The following BAG6 variants were observed in gnomAD, a reference collection of about 807,000 sequenced individuals.
BAG6 encodes the protein BAG cochaperone 6, also known as large proline-rich protein BAG6.
In BAG6, 22 loss-of-function variants were observed where a neutral mutation model predicts 121.0. That is an observed-to-expected ratio of 0.18 (90% confidence interval 0.13 to 0.26). The LOEUF (loss-of-function observed/expected upper bound fraction) is 0.26. Ranked by LOEUF, BAG6 falls within the 10% of genes least tolerant of loss-of-function variation. The pLI is 1.00. For synonymous variants in BAG6, 583 were observed against 584.6 expected (o/e 1.00, Z 0.04); for missense variants, 1,233 against 1,537.7 (o/e 0.80, Z 3.31).
intron 2 of BAG6, among the ~76,000 whole-genome samples, chr6:31,651,020 G>A (rs1583470596): frequency 1.3e-5 from 2 of 152,352 alleles, no homozygotes; most frequent in South Asian, 2.1e-4. Context: ...CTATCAGTAA[G>A]ACACACTTGC....
At chr6:31,649,665 G>A (rs1365079982) in intron 2 of BAG6, 38 bp from the exon 3 acceptor site, 5 of 1,563,442 alleles carry the variant, frequency 3.2e-6, no homozygotes, top group Non-Finnish European at 4.4e-6. Context: ...GGAAAGAATG[G>A]AGGAAAGAGG....
In BAG6 at chr6:31,640,638, A is replaced by G. The variant is rs1223735412; in HGVS notation, c.2994+7T>C. 1 of 1,612,822 alleles carries G rather than the reference A, an allele frequency of 6.2e-7. No homozygotes were observed. Among genetic ancestry groups the G allele is most frequent in the Admixed American group, 1.7e-5 (1 of 60,006 alleles). On this transcript the variant is annotated splice_region_variant and intron_variant, in intron 22 of 25. Transcript: ENST00000676615. This position sits in a 1 kb window ranked among gnomAD's most constrained non-coding sequence, Gnocchi z 4.2. ...CTGGCCCCTCAACCTCCCCCTCTCT[A>G]GAGTACCTGAGGCTCAGGGGAAGCT...
At position 31,644,237 on chromosome 6, in the gene BAG6, A is replaced by G; in HGVS notation, c.1556-43T>C. On this transcript the variant is annotated intron_variant, in intron 12 of 25. Transcript: ENST00000676615. The surrounding 1 kb of genome is among the most constrained non-coding windows in gnomAD (Gnocchi z 4.9). ...GACAGACCGAAGAGGGCTGAGGGCC[A>G]GGCCCTTGCCAGCCAGCTGCCACCA... 1 of 1,585,528 alleles carries G rather than the reference A, an allele frequency of 6.3e-7. No individual in the cohort carries two copies.
chr6:31,642,185 T>C lies in BAG6; in HGVS notation c.2262A>G (p.Glu754=). Residue 754 remains glutamate, a synonymous_variant, in exon 16 of 26, where the codon GAA becomes GAG. Coordinates refer to ENST00000676615, the MANE Select transcript of BAG6 (RefSeq NM_001387994.1). ...GGCGTTGTATGAAGGCAGCAATACTTTCACTGCTGCCAGCCCGAGCCCCCA... is the reference window on the plus strand; with the variant it reads ...GGCGTTGTATGAAGGCAGCAATACTCTCACTGCTGCCAGCCCGAGCCCCCA... ...GSLGARAGSS[E]SIAAFIQRLS... 6.2e-7 allele frequency: 1 copy of C among 1,612,872 alleles called. No homozygotes were observed. The highest frequency in any genetic ancestry group is 8.5e-7 in the Non-Finnish European group (1 of 1,179,978).
At chr6:31,645,927 G>A (rs1435019100) in intron 8 of BAG6, among the ~76,000 whole-genome samples, 3 of 152,250 alleles carry the variant, frequency 2.0e-5, no homozygotes, top group African/African-American at 7.2e-5. Flanking sequence ...TTCTCTGTAA[G>A]GGAGGACAAA....
chr6:31,649,667 G>A (rs1159168452), intron 2 of BAG6, 40 bp from the exon 3 acceptor site: 16 of 1,562,228 alleles, frequency 1.0e-5, no homozygotes, highest in Non-Finnish European at 1.4e-5. Context: ...AAAGAATGGA[G>A]GAAAGAGGAA....
rs1379067954 is a variant in BAG6, at chr6:31,644,348, G to A, written c.1514C>T (p.Thr505Ile). 1.3e-6 allele frequency: 2 copies of A among 1,551,620 alleles called. No homozygotes were observed. Among genetic ancestry groups the A allele is most frequent in the East Asian group, 2.4e-5 (1 of 40,936 alleles). Reference sequence around the variant, plus strand: ...AACAGCTGCCACCATGGCCTGATGAGTGATCTGGTGGGCGACGGCGTGCAT... The same window carrying A: ...AACAGCTGCCACCATGGCCTGATGAATGATCTGGTGGGCGACGGCGTGCAT... ...EFMHAVAHQI[T>I]HQAMVAAVAS... The change falls in exon 12 of 26, where the codon ACT becomes ATT. Residue 505 changes from threonine (T) to isoleucine (I), a missense_variant. Coordinates refer to ENST00000676615, the MANE Select transcript of BAG6 (RefSeq NM_001387994.1). This position sits in a 1 kb window ranked among gnomAD's most constrained non-coding sequence, Gnocchi z 4.9.
In BAG6 at chr6:31,641,679, G is replaced by T. The variant is rs1782945071; in HGVS notation, c.2506-87C>A. The T allele has an allele frequency of 9.9e-6, 16 of 1,609,904 alleles. No homozygotes were observed. Among genetic ancestry groups the T allele is most frequent in the Non-Finnish European group, 1.4e-5 (16 of 1,176,212 alleles). ...ACCCCAACAAGTCCAGGGCTTGTGT[G>T]GGGGCAATTGGAGCTTTACCTGGCA... On this transcript the variant is annotated intron_variant, in intron 17 of 25. Coordinates refer to ENST00000676615, the MANE Select transcript of BAG6 (RefSeq NM_001387994.1). This position sits in a 1 kb window ranked among gnomAD's most constrained non-coding sequence, Gnocchi z 5.7.
Position 31,642,205 on chromosome 6 carries a change from C to T in BAG6, c.2242G>A (p.Ala748Thr), listed in dbSNP as rs1385597027. ...ATACTTTCACTGCTGCCAGCCCGAG[C>T]CCCCAGGGAGCCCAGCAGGGAGCTG... The part of the protein sequence containing the change: ...VLSSLLGSLG[A>T]RAGSSESIAA... The change falls in exon 16 of 26, where the codon GCT (alanine) becomes ACT (threonine). Residue 748 changes from alanine (A) to threonine (T), a missense_variant. Physicochemically the swap from Ala to Thr is moderately conservative, Grantham distance 58. Around this residue, in one of 7 missense-constraint regions of BAG6, gnomAD observed 288 missense variants for 483.1 expected, o/e 0.60. Coordinates refer to ENST00000676615, the MANE Select transcript of BAG6 (RefSeq NM_001387994.1). 3.1e-6 allele frequency: 5 copies of T among 1,612,758 alleles called. No individual in the cohort carries two copies. The highest frequency in any genetic ancestry group is 2.2e-5 in the South Asian group (2 of 91,078).
At chr6:31,639,380 A>G in intron 25 of BAG6, 120 bp downstream of exon 25, 2 of 1,508,148 alleles carry the variant, frequency 1.3e-6, no homozygotes, top group Non-Finnish European at 1.8e-6. Flanking sequence ...CCCAGATGCC[A>G]AAGGGGAAAA....
At chr6:31,650,672 A>T (rs1472044762) in intron 2 of BAG6, among the ~76,000 whole-genome samples, 1 of 152,032 alleles carries the variant, frequency 6.6e-6, no homozygotes, top group Non-Finnish European at 1.5e-5. Context: ...TCTCAAAAAA[A>T]AAAAAAAAAG....
At position 31,644,757 on chromosome 6, in the gene BAG6, C is replaced by A; in HGVS notation, c.1370-155G>T. 8.0e-7 allele frequency: 1 copy of A among 1,242,340 alleles called. No homozygotes were observed. Among genetic ancestry groups the A allele is most frequent in the Non-Finnish European group, 1.2e-6 (1 of 862,364 alleles). 77.0% of individuals were successfully genotyped at this position (1,242,340 alleles called of 1,614,324 possible). On this transcript the variant is annotated intron_variant, in intron 10 of 25. Coordinates refer to ENST00000676615, the MANE Select transcript of BAG6 (RefSeq NM_001387994.1). The surrounding 1 kb of genome is among the most constrained non-coding windows in gnomAD (Gnocchi z 4.9). ...ACAGGGAGAGGTACTCCCTTCACCACACAAACACACCTCCAAAGACAAACC... is the reference window on the plus strand; with the variant it reads ...ACAGGGAGAGGTACTCCCTTCACCAAACAAACACACCTCCAAAGACAAACC...
At position 31,641,000 on chromosome 6, in the gene BAG6, A is replaced by C; in HGVS notation, c.2788-62T>G. The C allele has an allele frequency of 6.2e-7, 1 of 1,601,698 alleles. No individual in the cohort carries two copies. The highest frequency in any genetic ancestry group is 2.2e-5 in the East Asian group (1 of 44,714). On this transcript the variant is annotated intron_variant, in intron 20 of 25. Coordinates refer to ENST00000676615, the MANE Select transcript of BAG6 (RefSeq NM_001387994.1). The surrounding 1 kb of genome is among the most constrained non-coding windows in gnomAD (Gnocchi z 4.2). ...TCAACCACCTTTAGAAATAGATTAG[A>C]TCCAGGTTACAGAATGTCAGTTTAG... is the stretch of plus-strand genomic sequence containing the variant.
At chr6:31,647,946 A>C (rs1379584589) in intron 6 of BAG6, 120 bp from the exon 7 acceptor site, 1 of 1,312,298 alleles carries the variant, frequency 7.6e-7, no homozygotes, top group African/African-American at 1.5e-5. Context: ...ATGGCTCTGC[A>C]ATTTTATCTC....
Position 31,644,498 on chromosome 6 carries a change from A to G in BAG6, c.1447+27T>C. The G allele has an allele frequency of 6.3e-7, 1 of 1,598,686 alleles. No individual in the cohort carries two copies. The highest frequency in any genetic ancestry group is 8.5e-7 in the Non-Finnish European group (1 of 1,173,028). On this transcript the variant is annotated intron_variant, in intron 11 of 25. Transcript: ENST00000676615. The surrounding 1 kb of genome is among the most constrained non-coding windows in gnomAD (Gnocchi z 4.9). Reference sequence around the variant, plus strand: ...CCTTCCCTTTCTCTACCCAGAGCTCAGCCTGCCCTGATGCCCTCACTCTTA... The same window carrying G: ...CCTTCCCTTTCTCTACCCAGAGCTCGGCCTGCCCTGATGCCCTCACTCTTA...
Position 31,640,086 on chromosome 6 carries a change from G to C in BAG6, c.3246+113C>G. The C allele has an allele frequency of 9.3e-7, 1 of 1,072,010 alleles. No individual in the cohort carries two copies. The highest frequency in any genetic ancestry group is 1.4e-6 in the Non-Finnish European group (1 of 729,108). The allele number at this position is 1,072,010 out of a possible 1,614,324, so 66.4% of individuals were successfully genotyped here. A position where few individuals can be genotyped will look rare whatever the true frequency, so the allele number is the denominator to read the frequency against. On this transcript the variant is annotated intron_variant, in intron 24 of 25. Coordinates refer to ENST00000676615, the MANE Select transcript of BAG6 (RefSeq NM_001387994.1). The surrounding 1 kb of genome is among the most constrained non-coding windows in gnomAD (Gnocchi z 4.2). ...CCCAGAAAAAGTTTCCTCATTAAAC[G>C]AGGGGAGGGGAGACTGAATAACAAG...
In BAG6 at chr6:31,639,054, G is replaced by T; in HGVS notation, c.*77C>A. ...AGAGAGAAAGCAGCCAGAAAAATCC[G>T]ACTTTTATTTCTTAAATACTGTGAA... On this transcript the variant is annotated 3_prime_UTR_variant, in exon 26 of 26. Coordinates refer to ENST00000676615, the MANE Select transcript of BAG6 (RefSeq NM_001387994.1). 1 of 1,275,628 alleles carries T rather than the reference G, an allele frequency of 7.8e-7. No homozygotes were observed. The highest frequency in any genetic ancestry group is 1.3e-5 in the South Asian group (1 of 74,712). 79.0% of individuals were successfully genotyped at this position (1,275,628 alleles called of 1,614,324 possible).
At chr6:31,646,341 G>A (rs1789166191) in intron 8 of BAG6, 53 bp downstream of exon 8, 7 of 1,590,498 alleles carry the variant, frequency 4.4e-6, no homozygotes, top group Non-Finnish European at 4.3e-6. Context: ...AGCCTGTTCT[G>A]TTTTGGGAGT....
intron 25 of BAG6, 109 bp downstream of exon 25, chr6:31,639,391 C>G (rs1238439967): frequency 1.3e-6 from 2 of 1,523,446 alleles, no homozygotes; most frequent in Non-Finnish European, 1.8e-6. Context: ...AAGGGGAAAA[C>G]AAATGGTAGC....
Sources: allele counts gnomAD v4.1 joint callset (sites outside exome capture counted in the v4.1 genomes callset), GRCh38; gene constraint gnomAD v4.1.1; regional missense constraint gnomAD v4.1.1; non-coding constraint Gnocchi (gnomAD v3.1); transcripts MANE v1.5; gene names NCBI Gene and HGNC (gene_info 2026-07-23, HGNC 2026-07-21).